Variants in KLC2 observed in about 807,000 individuals in gnomAD.
KLC2 encodes the protein KLC 2.
KLC2 carries 35 observed loss-of-function variants against 75.1 expected under a neutral mutation model. The ratio of observed to expected loss-of-function variants is 0.47; its 90% CI spans 0.36 to 0.62. KLC2 has a LOEUF of 0.62. Among genes scored for constraint, KLC2 ranks in the 20% least tolerant of loss-of-function variants. The pLI, the probability that KLC2 is intolerant of heterozygous loss-of-function variation, is 0.00. For missense variants in KLC2, 611 were observed against 833.2 expected, an observed-to-expected ratio of 0.73 and a Z score of 3.28; for synonymous variants, 314 against 336.7, an observed-to-expected ratio of 0.93 and a Z score of 0.74.
Position 66,267,594 on chromosome 11 carries a change from C to A in KLC2, c.*638C>A, listed in dbSNP as rs1331526164. 1.6e-6 allele frequency: 1 copy of A among 609,090 alleles called. No individual in the cohort carries two copies. Among genetic ancestry groups the A allele is most frequent in the Non-Finnish European group, 3.0e-6 (1 of 338,698 alleles). The allele number at this position is 609,090 out of a possible 1,614,324, so 37.7% of individuals were successfully genotyped here. A position where few individuals can be genotyped will look rare whatever the true frequency, so the allele number is the denominator to read the frequency against. ...CCGTGGCCCAGGACGGGGACCTCCCCTTAGTCCGTCCTCCCACCGCCGGGC... is the reference window on the plus strand; with the variant it reads ...CCGTGGCCCAGGACGGGGACCTCCCATTAGTCCGTCCTCCCACCGCCGGGC... On this transcript the variant is annotated 3_prime_UTR_variant, in exon 16 of 16. Transcript: ENST00000394067.
At chr11:66,256,172 G>A (rs1308694546), upstream of KLC2, among the ~76,000 whole-genome samples, 4 of 152,020 alleles carry the variant, frequency 2.6e-5, no homozygotes, top group South Asian at 2.1e-4. Flanking sequence ...TTGGGAGGCC[G>A]AGATGGAGGA....
intron 11 of KLC2, 80 bp downstream of exon 11, chr11:66,265,315 C>A: frequency 8.2e-7 from 1 of 1,223,930 alleles, no homozygotes; most frequent in Non-Finnish European, 1.2e-6. Flanking sequence ...CCCAACACAC[C>A]CCTCCTCTGC....
At chr11:66,245,296 G>A in the KLC2 span, among the ~76,000 whole-genome samples, 1 of 152,216 alleles carries the variant, frequency 6.6e-6, no homozygotes, top group Non-Finnish European at 1.5e-5. Flanking sequence ...AGTGCCCAGA[G>A]GTGGCCAGGC....
upstream of KLC2, among the ~76,000 whole-genome samples, chr11:66,256,171 C>T (rs185882213): frequency 1.6e-4 from 24 of 151,554 alleles, no homozygotes; most frequent in East Asian, 4.1e-3. Context: ...TTTGGGAGGC[C>T]GAGATGGAGG....
In KLC2 at chr11:66,267,210, C is replaced by G. The variant is rs200998467; in HGVS notation, c.*254C>G. ...CTAGGTTCGGGCCAGCAGGAGGTGC[C>G]GGCTGGAGTCTCCACCATAGACTCA... is the stretch of plus-strand genomic sequence containing the variant. On this transcript the variant is annotated 3_prime_UTR_variant, in exon 16 of 16. Coordinates refer to ENST00000394067, the MANE Select transcript of KLC2 (RefSeq NM_001318734.2). 5 of 1,543,788 alleles carry G rather than the reference C, an allele frequency of 3.2e-6. No individual in the cohort carries two copies. Among genetic ancestry groups the G allele is most frequent in the East Asian group, 2.4e-5 (1 of 40,876 alleles).
rs1338668792 is a variant in KLC2, at chr11:66,266,018, TCCGGGGCCTGGG to T, written c.1602+12_1602+23del. The T allele has an allele frequency of 3.1e-6, 5 of 1,612,662 alleles. No homozygotes were observed. The African/African-American group carries it at 4.0e-5, about 13-fold the overall frequency. ...CTACAGCTGAGTGGAATGGGGTGAGTCCGGGGCCTGGGCCGGGTCGGGCTGGGAGCCTAGGTG... is the reference window on the plus strand; with the variant it reads ...CTACAGCTGAGTGGAATGGGGTGAGTCCGGGTCGGGCTGGGAGCCTAGGTG... On this transcript the variant is annotated splice_region_variant and intron_variant, in intron 13 of 15. Transcript: ENST00000394067.
chr11:66,262,260 T>A, intron 4 of KLC2, 68 bp downstream of exon 4: 3 of 1,245,620 alleles, frequency 2.4e-6, no homozygotes, highest in Non-Finnish European at 3.5e-6. Context: ...TGGGACCGAG[T>A]GGCTGCCATG....
intron 2 of KLC2, among the ~76,000 whole-genome samples, chr11:66,260,262 C>A (rs536645418): frequency 1.3e-5 from 2 of 152,056 alleles, no homozygotes; most frequent in Non-Finnish European, 2.9e-5. Context: ...GACAGCCTGG[C>A]CCTCTGCAAG....
In KLC2 at chr11:66,258,713, C is replaced by A; in HGVS notation, c.119C>A (p.Ala40Asp). 6.2e-7 allele frequency: 1 copy of A among 1,613,750 alleles called. No homozygotes were observed. The highest frequency in any genetic ancestry group is 8.5e-7 in the Non-Finnish European group (1 of 1,179,948). The stretch of plus-strand genomic sequence containing the variant: ...CGTGGGGAGCATCGTGCCCTGCTGG[C>A]TCCTCTGGTTGCACCTGAGGCCGGC... ...TLRGEHRALLAPLVAPEAGEA... is the reference protein window; with the variant it reads ...TLRGEHRALLDPLVAPEAGEA... Residue 40 changes from alanine to aspartate, a missense_variant, in exon 2 of 16, where the codon GCT becomes GAT. Ala to Asp is a moderately radical substitution (Grantham distance 126, BLOSUM62 -2). Coordinates refer to ENST00000394067, the MANE Select transcript of KLC2 (RefSeq NM_001318734.2).
chr11:66,245,874 T>C, the KLC2 span, among the ~76,000 whole-genome samples: 2 of 151,994 alleles, frequency 1.3e-5, no homozygotes, highest in Non-Finnish European at 2.9e-5. Flanking sequence ...AGAATGAGAC[T>C]CTGTCTCAAA....
At chr11:66,262,309 T>G in intron 4 of KLC2, 117 bp downstream of exon 4, 1 of 773,186 alleles carries the variant, frequency 1.3e-6, no homozygotes, top group Non-Finnish European at 2.2e-6. Flanking sequence ...CATCCTAGTG[T>G]GTTAGAGCTT....
chr11:66,258,743 C>G lies in KLC2; in HGVS notation c.149C>G (p.Ala50Gly). The G allele has an allele frequency of 6.2e-7, 1 of 1,613,356 alleles. No individual in the cohort carries two copies. The highest frequency in any genetic ancestry group is 1.1e-5 in the South Asian group (1 of 91,086). ...CTGGTTGCACCTGAGGCCGGCGAAG[C>G]CGAGCCTGGCTCGCAGGAGCGCTGC... ...APLVAPEAGE[A>G]EPGSQERCIL... Residue 50 changes from alanine (A) to glycine (G), a missense_variant, in exon 2 of 16, where the codon GCC becomes GGC. Transcript: ENST00000394067.
At position 66,267,811 on chromosome 11, in the gene KLC2, CTCTCA is replaced by C. The variant is rs1856952835; in HGVS notation, c.*857_*861del. ...CCCCCTGTTGCGGGTGAGGCGGCTG[CTCTCA>C]TATTTTCAGATGTTGCTGTAGAAAT... is the stretch of plus-strand genomic sequence containing the variant. On this transcript the variant is annotated 3_prime_UTR_variant, in exon 16 of 16. Transcript: ENST00000394067. 2 of 303,116 alleles carry C rather than the reference CTCTCA, an allele frequency of 6.6e-6. No individual in the cohort carries two copies. The highest frequency in any genetic ancestry group is 1.0e-5 in the Non-Finnish European group (2 of 191,902). The allele number at this position is 303,116 out of a possible 1,614,324, so 18.8% of individuals were successfully genotyped here. A position where few individuals can be genotyped will look rare whatever the true frequency, so the allele number is the denominator to read the frequency against.
At position 66,263,690 on chromosome 11, in the gene KLC2, C is replaced by T. The variant is rs1856599052; in HGVS notation, c.783C>T (p.His261=). ...RDQNKYKEAA[H]LLNDALAIRE... Reference sequence around the variant, plus strand: ...AGAACAAGTACAAGGAGGCTGCCCACCTGCTCAATGATGCTCTGGCCATCC... The same window carrying T: ...AGAACAAGTACAAGGAGGCTGCCCATCTGCTCAATGATGCTCTGGCCATCC... Residue 261 remains histidine (H), a synonymous_variant, in exon 6 of 16, where the codon CAC becomes CAT. Coordinates refer to ENST00000394067, the MANE Select transcript of KLC2 (RefSeq NM_001318734.2). 1.2e-6 allele frequency: 2 copies of T among 1,613,862 alleles called. No homozygotes were observed. The highest frequency in any genetic ancestry group is 2.2e-5 in the East Asian group (1 of 44,864).
Position 66,263,885 on chromosome 11 carries a change from A to G in KLC2, c.875A>G (p.Tyr292Cys). 6.2e-7 allele frequency: 1 copy of G among 1,614,176 alleles called. No homozygotes were observed. Among genetic ancestry groups the G allele is most frequent in the Non-Finnish European group, 8.5e-7 (1 of 1,180,014 alleles). ...AATLNNLAVLYGKRGKYKEAE... is the reference protein window; with the variant it reads ...AATLNNLAVLCGKRGKYKEAE... ...ACACTAAACAACCTGGCAGTCCTGT[A>G]TGGCAAGAGGGGCAAGTACAAGGAG... Residue 292 changes from tyrosine to cysteine, a missense_variant, in exon 7 of 16, where the codon TAT becomes TGT. Coordinates refer to ENST00000394067, the MANE Select transcript of KLC2 (RefSeq NM_001318734.2).
At chr11:66,263,480 A>G (rs1856582541) in intron 5 of KLC2, among the ~76,000 whole-genome samples, 180 bp from the exon 6 acceptor site, 1 of 152,180 alleles carries the variant, frequency 6.6e-6, no homozygotes, top group Non-Finnish European at 1.5e-5. Flanking sequence ...GCCAATTGTG[A>G]GAAAACTGCC....
At chr11:66,257,305 A>G (rs1003949026), upstream of KLC2, 1 of 152,172 alleles carries the variant, frequency 6.6e-6, no homozygotes, top group Non-Finnish European at 1.5e-5. Flanking sequence ...CGAGCCAGAT[A>G]ACAGCGGCAC....
rs770319563 is a variant in KLC2, at chr11:66,265,156, T to A, written c.1267-12T>A. 1 of 1,605,084 alleles carries A rather than the reference T, an allele frequency of 6.2e-7. No individual in the cohort carries two copies. Among genetic ancestry groups the A allele is most frequent in the South Asian group, 1.1e-5 (1 of 91,006 alleles). On this transcript the variant is annotated splice_polypyrimidine_tract_variant and intron_variant, in intron 10 of 15. Transcript: ENST00000394067. ...GCCTGCTCTCACTTCTTGTGACCAT[T>A]CTTTCCTCCAGGATAAGCGCCGGGA...
intron 11 of KLC2, 194 bp downstream of exon 11, chr11:66,265,429 C>T (rs1856754070): frequency 1.5e-6 from 1 of 678,680 alleles, no homozygotes; most frequent in Non-Finnish European, 2.5e-6. Context: ...AGCTTTTGGT[C>T]CTGGTGACAA....
Sources: allele counts gnomAD v4.1 joint callset (sites outside exome capture counted in the v4.1 genomes callset), GRCh38; gene constraint gnomAD v4.1.1; transcripts MANE v1.5; gene names NCBI Gene and HGNC (gene_info 2026-07-23, HGNC 2026-07-21).